Variants in ALS2 observed in about 807,000 individuals in gnomAD.
ALS2 encodes alsin Rho guanine nucleotide exchange factor ALS2, also known as alsin.
In ALS2, 117 loss-of-function variants were observed where a neutral mutation model predicts 203.4. That is an observed-to-expected ratio of 0.58 (90% confidence interval 0.50 to 0.67). The LOEUF (loss-of-function observed/expected upper bound fraction) is 0.67. Ranked by LOEUF, ALS2 falls within the 30% of genes least tolerant of loss-of-function variation. The pLI is 0.00. For missense variants in ALS2, 1,715 were observed against 1,989.4 expected (o/e 0.86, Z 2.62); for synonymous variants, 718 against 725.9 (o/e 0.99, Z 0.17).
chr2:201,767,340 T>C lies in ALS2; in HGVS notation c.64A>G (p.Ile22Val). 1 of 1,614,106 alleles carries C rather than the reference T, an allele frequency of 6.2e-7. No homozygotes were observed. Among genetic ancestry groups the C allele is most frequent in the Non-Finnish European group, 8.5e-7 (1 of 1,179,994 alleles). ...ATGGGAAAGGATCCTGCCTGCCAGA[T>C]ATGGACCAGGCCTCTTTCCTTGGAT... ...EGSKERGLVH[I>V]WQAGSFPITP... The change falls in exon 3 of 34, where the codon ATC becomes GTC. Residue 22 changes from isoleucine (I) to valine (V), a missense_variant. Coordinates refer to ENST00000264276, the MANE Select transcript of ALS2 (RefSeq NM_020919.4).
At chr2:201,728,401 T>C in intron 15 of ALS2, 111 bp downstream of exon 15, 1 of 1,461,572 alleles carries the variant, frequency 6.8e-7, no homozygotes, top group East Asian at 2.3e-5. Context: ...CCTCTTTTAG[T>C]CAACAGTTTC....
intron 33 of ALS2, 120 bp from the exon 34 acceptor site, chr2:201,702,009 C>G: frequency 1.2e-6 from 1 of 852,334 alleles, no homozygotes; most frequent in Non-Finnish European, 1.9e-6. Context: ...GATGGCCCAA[C>G]AGATTTAATT....
intron 17 of ALS2, 127 bp from the exon 18 acceptor site, chr2:201,726,993 A>G: frequency 1.1e-6 from 1 of 918,512 alleles, no homozygotes; most frequent in Admixed American, 2.0e-5. Context: ...TTAATAGAGT[A>G]ATATTGACTG....
rs1388470174 is a variant in ALS2 at position 201,752,982 on chromosome 2, C to T, written c.1737+164G>A. Among the ~76,000 whole-genome samples the T allele has an allele frequency of 2.6e-5, 4 of 152,178 alleles. No homozygotes were observed. In the South Asian group the frequency reaches 6.2e-4, roughly 24 times the overall value. On this transcript the variant is annotated intron_variant, in intron 7 of 33. Coordinates refer to ENST00000264276, the MANE Select transcript of ALS2 (RefSeq NM_020919.4). Reference sequence around the variant, plus strand: ...ATAATTTCTCTTACTCCACTTCCCTCGTCTGTAAAGTGGAAATAATACCAT... The same window carrying T: ...ATAATTTCTCTTACTCCACTTCCCTTGTCTGTAAAGTGGAAATAATACCAT...
intron 8 of ALS2, among the ~76,000 whole-genome samples, chr2:201,747,627 T>C (rs1206768139): frequency 6.6e-6 from 1 of 152,040 alleles, no homozygotes; most frequent in Non-Finnish European, 1.5e-5. Flanking sequence ...ATTTTTGTAT[T>C]TTTAGTAGAG....
At chr2:201,736,434 C>T (rs1691880496) in intron 12 of ALS2, among the ~76,000 whole-genome samples, 3 of 152,002 alleles carry the variant, frequency 2.0e-5, no homozygotes, top group Admixed American at 6.6e-5. Context: ...ACAAAACGTA[C>T]TAAGACTTGT....
chr2:201,772,901 G>A (rs2110644), intron 1 of ALS2, among the ~76,000 whole-genome samples: 69,060 of 136,708 alleles, frequency 0.51, 19,569 homozygotes, highest in Admixed American at 0.64. Context: ...TTGCACTGTC[G>A]CCTGGGCTAG....
At position 201,704,158 on chromosome 2, in the gene ALS2, C is replaced by A; in HGVS notation, c.4899G>T (p.Gln1633His). 6.2e-7 allele frequency: 1 copy of A among 1,614,052 alleles called. No homozygotes were observed. The highest frequency in any genetic ancestry group is 8.5e-7 in the Non-Finnish European group (1 of 1,179,928). Residue 1633 changes from glutamine (Q) to histidine (H), a missense_variant, in exon 33 of 34, where the codon CAG becomes CAT. Gln to His is a conservative substitution (Grantham distance 24). This residue lies in a region of ALS2 where 1,227 missense variants were observed against 1,413.5 expected (regional missense o/e 0.87). Transcript: ENST00000264276. ...TGAACATTATACCCTGTTCCCCATGCTGAAGATAGGGGTCCATTAGATCCT... is the reference window on the plus strand; with the variant it reads ...TGAACATTATACCCTGTTCCCCATGATGAAGATAGGGGTCCATTAGATCCT... ...LIEDLMDPYLQHGEQGIMFTT... is the reference protein window; with the variant it reads ...LIEDLMDPYLHHGEQGIMFTT...
chr2:201,703,288 C>T (rs1343638084), intron 33 of ALS2, among the ~76,000 whole-genome samples: 1 of 152,114 alleles, frequency 6.6e-6, no homozygotes, highest in East Asian at 1.9e-4. Context: ...TGCTATTCTA[C>T]CCTCCCTCCA....
At chr2:201,764,626 T>G (rs1284202613) in intron 3 of ALS2, among the ~76,000 whole-genome samples, 4 of 145,088 alleles carry the variant, frequency 2.8e-5, no homozygotes, top group Non-Finnish European at 6.0e-5. Flanking sequence ...AGAGCGAGAC[T>G]CCGTCTCAAA....
chr2:201,759,626 A>G (rs1693635156), intron 4 of ALS2: 4 of 985,004 alleles, frequency 4.1e-6, no homozygotes, highest in Non-Finnish European at 4.8e-6. Context: ...TTCAGACTTT[A>G]TAATACCTTT....
intron 7 of ALS2, among the ~76,000 whole-genome samples, chr2:201,752,679 A>C (rs1204862685): frequency 6.6e-6 from 1 of 152,200 alleles, no homozygotes; most frequent in Non-Finnish European, 1.5e-5. Flanking sequence ...GTTTAAAAAA[A>C]AACTTAAAAC....
At chr2:201,773,493 A>G (rs1694511228) in intron 1 of ALS2, among the ~76,000 whole-genome samples, 1 of 152,206 alleles carries the variant, frequency 6.6e-6, no homozygotes, top group Admixed American at 6.5e-5. Flanking sequence ...TGGTGGCTCC[A>G]TTTCCTGAAA....
chr2:201,719,264 A>G (rs996444359), intron 23 of ALS2, among the ~76,000 whole-genome samples: 8 of 152,152 alleles, frequency 5.3e-5, no homozygotes, highest in African/African-American at 1.9e-4. Flanking sequence ...GTGATTAGGG[A>G]CAGTGTCCTC....
rs765602193 is a variant in ALS2 at position 201,738,699 on chromosome 2, T to TC, written c.2387dup (p.Gly797ArgfsTer7). 6.2e-7 allele frequency: 1 copy of TC among 1,614,102 alleles called. No homozygotes were observed. The highest frequency in any genetic ancestry group is 1.1e-5 in the South Asian group (1 of 91,074). Reference sequence around the variant, plus strand: ...CAGGCTTAGCAAGAAGCTGGAATCCTCCCATAACCAGGAAATTTGTAATAG... The same window carrying TC: ...CAGGCTTAGCAAGAAGCTGGAATCCTCCCCATAACCAGGAAATTTGTAATAG... On this transcript the variant is annotated frameshift_variant, in exon 12 of 34. Transcript: ENST00000264276. LOFTEE classifies it high-confidence loss of function.
chr2:201,754,811 A>G (rs1400747657), intron 5 of ALS2, 140 bp from the exon 6 acceptor site: 3 of 875,546 alleles, frequency 3.4e-6, no homozygotes, highest in African/African-American at 3.4e-5. Context: ...TCTCTGTAGA[A>G]AAGGGGACCT....
rs1022166438 is a variant in ALS2, at chr2:201,749,277, C to CA, written c.1815+434dup. ...TTACTACAGAAAGTGAAAAGGCTTA[C>CA]AAAAAAAAATGTTTTACTACTCTGC... is the stretch of plus-strand genomic sequence containing the variant. On this transcript the variant is annotated intron_variant, in intron 8 of 33. Coordinates refer to ENST00000264276, the MANE Select transcript of ALS2 (RefSeq NM_020919.4). 2.4e-4 allele frequency among the ~76,000 whole-genome samples: 36 copies of CA among 149,148 alleles called. 1 individual carries two copies. Among genetic ancestry groups the CA allele is most frequent in the South Asian group, 2.1e-3 (10 of 4,720 alleles).
intron 1 of ALS2, among the ~76,000 whole-genome samples, chr2:201,774,328 T>C (rs1414533290): frequency 6.6e-6 from 1 of 152,044 alleles, no homozygotes; most frequent in Non-Finnish European, 1.5e-5. Context: ...AGGTCTACGT[T>C]TTTGAAAGAA....
intron 1 of ALS2, among the ~76,000 whole-genome samples, chr2:201,779,383 T>C (rs911523520): frequency 6.6e-6 from 1 of 152,262 alleles, no homozygotes; most frequent in South Asian, 2.1e-4. Context: ...CTGCTAATAC[T>C]GGTCATAGTT....
Sources: allele counts gnomAD v4.1 joint callset (sites outside exome capture counted in the v4.1 genomes callset), GRCh38; gene constraint gnomAD v4.1.1; regional missense constraint gnomAD v4.1.1; transcripts MANE v1.5; gene names NCBI Gene and HGNC (gene_info 2026-07-23, HGNC 2026-07-21).